FERMT1: variants seen among roughly 807,000 people sequenced by gnomAD.
FERMT1 encodes FERM domain containing kindlin 1.
A neutral mutation model predicts 85.3 loss-of-function variants in FERMT1; 60 were observed. The observed-to-expected ratio is 0.70, with a 90% CI of 0.57 to 0.87. FERMT1 has a LOEUF of 0.87. FERMT1 is among the 40% of genes least tolerant of loss of function. The pLI is 0.00. For synonymous variants in FERMT1, 275 were observed against 301.1 expected (o/e 0.91, Z 0.90); for missense variants, 701 against 818.9 (o/e 0.86, Z 1.76).
chr20:6,107,399 G>A, intron 6 of FERMT1, 133 bp downstream of exon 6: 1 of 556,184 alleles, frequency 1.8e-6, no homozygotes, highest in Non-Finnish European at 3.3e-6. Context: ...CCATGTATCA[G>A]TCTCACCCTG....
chr20:6,094,584 C>T (rs1982452278), intron 9 of FERMT1, among the ~76,000 whole-genome samples: 1 of 152,190 alleles, frequency 6.6e-6, no homozygotes, highest in South Asian at 2.1e-4. Flanking sequence ...TGAACCCAGC[C>T]ATTCACTGAG....
intron 6 of FERMT1, among the ~76,000 whole-genome samples, chr20:6,102,306 T>A (rs541012697): frequency 6.6e-6 from 1 of 152,230 alleles, no homozygotes; most frequent in East Asian, 1.9e-4. Flanking sequence ...CAGTGGGTTC[T>A]CCAGTGACTT....
At chr20:6,112,682 C>T in intron 3 of FERMT1, 59 bp from the exon 4 acceptor site, 2 of 1,208,618 alleles carry the variant, frequency 1.7e-6, no homozygotes, top group South Asian at 1.4e-5. Flanking sequence ...CCTTCTAAGA[C>T]TCAGGGTCAT....
Position 6,077,297 on chromosome 20 carries a change from C to T in FERMT1, c.1910G>A (p.Ser637Asn). Residue 637 changes from serine (S) to asparagine (N), a missense_variant, in exon 15 of 15, where the codon AGT (serine) becomes AAT (asparagine). Ser to Asn is a conservative substitution (Grantham distance 46, BLOSUM62 1). Coordinates refer to ENST00000217289, the MANE Select transcript of FERMT1 (RefSeq NM_017671.5). Reference protein sequence around the residue: ...QNVFTAFTCLSADCKIVHEYI... With the variant: ...QNVFTAFTCLNADCKIVHEYI... ...CTCGTGCACAATCTTGCAATCTGCA[C>T]TCAGGCAGGTGAAAGCAGTAAAGAC... The T allele has an allele frequency of 6.2e-7, 1 of 1,614,204 alleles. No individual in the cohort carries two copies. Among genetic ancestry groups the T allele is most frequent in the Non-Finnish European group, 8.5e-7 (1 of 1,180,042 alleles).
intron 4 of FERMT1, among the ~76,000 whole-genome samples, chr20:6,111,817 A>C (rs1359038039): frequency 6.6e-6 from 1 of 151,994 alleles, no homozygotes; most frequent in Non-Finnish European, 1.5e-5. Flanking sequence ...CAATGATAGA[A>C]TCATGAAGAG....
At chr20:6,085,760 G>A (rs1017332591) in intron 11 of FERMT1, among the ~76,000 whole-genome samples, 5 of 151,758 alleles carry the variant, frequency 3.3e-5, no homozygotes, top group Non-Finnish European at 5.9e-5. Context: ...TGAAGCAGGA[G>A]ATCCCTTGAA....
Position 6,094,997 on chromosome 20 carries a change from A to G in FERMT1, c.1090-9T>C, listed in dbSNP as rs1484869568. The G allele has an allele frequency of 1.3e-6, 2 of 1,503,806 alleles. No homozygotes were observed. The highest frequency in any genetic ancestry group is 2.7e-5 in the African/African-American group (2 of 72,754). The allele number at this position is 1,503,806 out of a possible 1,614,324, so 93.2% of individuals were successfully genotyped here. On this transcript the variant is annotated splice_polypyrimidine_tract_variant and intron_variant, in intron 8 of 14. Coordinates refer to ENST00000217289, the MANE Select transcript of FERMT1 (RefSeq NM_017671.5). ...ATATCAGTAATGTCCTCCTAAGAAA[A>G]AACAAATAAAGTTTCAAAAGCAGGA...
intron 9 of FERMT1, among the ~76,000 whole-genome samples, chr20:6,090,311 G>A (rs1207502298): frequency 1.3e-5 from 2 of 152,150 alleles, no homozygotes; most frequent in Non-Finnish European, 2.9e-5. Context: ...CTGACCTTGT[G>A]ATCTGCCCGC....
rs1449713037 is a variant in FERMT1 at position 6,076,513 on chromosome 20, C to G, written c.*660G>C. On this transcript the variant is annotated 3_prime_UTR_variant, in exon 15 of 15. Coordinates refer to ENST00000217289, the MANE Select transcript of FERMT1 (RefSeq NM_017671.5). ...CCCAGAAATCTGAGGAGACCAATGA[C>G]TAAGACCAGATGTGGGTCAGTGGTC... The G allele has an allele frequency of 3.9e-6, 2 of 510,042 alleles. No homozygotes were observed. The highest frequency in any genetic ancestry group is 4.0e-5 in the Admixed American group (2 of 50,298). 31.6% of individuals were successfully genotyped at this position (510,042 alleles called of 1,614,324 possible). A position where few individuals can be genotyped will look rare whatever the true frequency, so the allele number is the denominator to read the frequency against.
intron 13 of FERMT1, among the ~76,000 whole-genome samples, chr20:6,081,315 A>G (rs936148983): frequency 6.6e-6 from 1 of 152,000 alleles, no homozygotes; most frequent in African/African-American, 2.4e-5. Context: ...CTGGTATTAT[A>G]AGAGATTGGA....
chr20:6,097,105 A>AT, intron 7 of FERMT1, 72 bp from the exon 8 acceptor site: 3 of 1,486,316 alleles, frequency 2.0e-6, no homozygotes, highest in African/African-American at 2.8e-5. Flanking sequence ...TCCATTAGCC[A>AT]TTTTTTTCTT....
At chr20:6,110,586 C>T in intron 4 of FERMT1, 75 bp from the exon 5 acceptor site, 1 of 1,166,994 alleles carries the variant, frequency 8.6e-7, no homozygotes, top group South Asian at 1.2e-5. Context: ...ATTAACATTA[C>T]TTACACTAAA....
At chr20:6,117,703 A>T (rs536901274) in intron 2 of FERMT1, among the ~76,000 whole-genome samples, 3 of 151,414 alleles carry the variant, frequency 2.0e-5, no homozygotes, top group Non-Finnish European at 4.4e-5. Flanking sequence ...AAGTGCTGGG[A>T]TTACAGGAAA....
chr20:6,085,473 C>G (rs1008603758), intron 11 of FERMT1, among the ~76,000 whole-genome samples, 186 bp from the exon 12 acceptor site: 1 of 152,118 alleles, frequency 6.6e-6, no homozygotes, highest in African/African-American at 2.4e-5. Context: ...GTTTTTGAGT[C>G]CTGTGTTGAG....
intron 9 of FERMT1, among the ~76,000 whole-genome samples, chr20:6,092,755 T>G (rs1982402571): frequency 6.6e-6 from 1 of 152,174 alleles, no homozygotes; most frequent in African/African-American, 2.4e-5. Flanking sequence ...TCTCACTTCC[T>G]GCTTCACACA....
At position 6,114,772 on chromosome 20, in the gene FERMT1, G is replaced by A. The variant is rs80018941; in HGVS notation, c.385+1039C>T. On this transcript the variant is annotated intron_variant, in intron 3 of 14. Coordinates refer to ENST00000217289, the MANE Select transcript of FERMT1 (RefSeq NM_017671.5). ...TCACCCTACTTCATATACCATACCA[G>A]CCCCCACTGCCCAACCCTGGCATTC... 6.6e-4 allele frequency among the ~76,000 whole-genome samples: 100 copies of A among 152,240 alleles called. No homozygotes were observed. The East Asian group carries it at 0.018, about 28-fold the overall frequency.
intron 9 of FERMT1, among the ~76,000 whole-genome samples, chr20:6,091,421 G>A (rs1982360477): frequency 6.6e-6 from 1 of 151,654 alleles, no homozygotes; most frequent in African/African-American, 2.4e-5. Flanking sequence ...GTAGAGCTGG[G>A]GTTTCATCAT....
chr20:6,085,323 T>A, intron 11 of FERMT1, 36 bp from the exon 12 acceptor site: 3 of 1,586,136 alleles, frequency 1.9e-6, no homozygotes, highest in Non-Finnish European at 2.6e-6. Context: ...CAAGCTCAAG[T>A]GCAAAGCCCC....
chr20:6,116,178 C>T, intron 2 of FERMT1, 134 bp from the exon 3 acceptor site: 2 of 704,684 alleles, frequency 2.8e-6, no homozygotes, highest in Non-Finnish European at 4.9e-6. Flanking sequence ...TGGCCTTTTA[C>T]AATTCAAGGC....
Sources: allele counts gnomAD v4.1 joint callset (sites outside exome capture counted in the v4.1 genomes callset), GRCh38; gene constraint gnomAD v4.1.1; transcripts MANE v1.5; gene names NCBI Gene and HGNC (gene_info 2026-07-23, HGNC 2026-07-21).